BRIP1: variants seen among roughly 807,000 people sequenced by gnomAD.
BRIP1 encodes BRCA1 interacting DNA helicase 1, also known as Fanconi anemia group J protein.
Under a neutral mutation model 119.7 loss-of-function variants are expected in BRIP1, and 88 were observed. The ratio of observed to expected loss-of-function variants is 0.74; its 90% CI spans 0.62 to 0.88. The LOEUF (loss-of-function observed/expected upper bound fraction) is 0.88. Among genes scored for constraint, BRIP1 ranks in the 40% least tolerant of loss-of-function variants. BRIP1 has a pLI of 0.00. For synonymous variants in BRIP1, 443 were observed against 496.5 expected, an observed-to-expected ratio of 0.89 and a Z score of 1.43; for missense variants, 1,259 against 1,455.4, an observed-to-expected ratio of 0.87 and a Z score of 2.20.
At chr17:61,718,011 T>C (rs962083447) in intron 16 of BRIP1, among the ~76,000 whole-genome samples, 1 of 152,236 alleles carries the variant, frequency 6.6e-6, no homozygotes, top group Non-Finnish European at 1.5e-5. Context: ...CTCTTTTCAG[T>C]ATGCTTATGT....
chr17:61,825,842 G>A lies in BRIP1; in HGVS notation c.628-17085C>T, dbSNP rs2078399267. ...GTCATACTGCCCAAAGCAATTTACA[G>A]ATTCAATGCTATTCCTATTAAACTA... is the stretch of plus-strand genomic sequence containing the variant. On this transcript the variant is annotated intron_variant, in intron 6 of 19. Coordinates refer to ENST00000259008, the MANE Select transcript of BRIP1 (RefSeq NM_032043.3). This position sits in a 1 kb window ranked among gnomAD's most constrained non-coding sequence, Gnocchi z 4.1. Among the ~76,000 whole-genome samples the A allele has an allele frequency of 6.6e-6, 1 of 151,978 alleles. No homozygotes were observed. The highest frequency in any genetic ancestry group is 1.9e-4 in the East Asian group (1 of 5,188).
intron 16 of BRIP1, among the ~76,000 whole-genome samples, chr17:61,728,901 A>C (rs564155286): frequency 6.6e-6 from 1 of 152,316 alleles, no homozygotes; most frequent in Admixed American, 6.5e-5. Flanking sequence ...GGCATGGCAC[A>C]CAACTATTGG....
In BRIP1 at chr17:61,842,999, G is replaced by T. The variant is rs1419712415; in HGVS notation, c.627+4102C>A. Among the ~76,000 whole-genome samples, 1 of 152,174 alleles carries T rather than the reference G, an allele frequency of 6.6e-6. No individual in the cohort carries two copies. The highest frequency in any genetic ancestry group is 2.4e-5 in the African/African-American group (1 of 41,448). ...CTGTCAATGGATGAATAAAGAAAATGTGGTGTGTATGTGTATGTCAATGGA... is the reference window on the plus strand; with the variant it reads ...CTGTCAATGGATGAATAAAGAAAATTTGGTGTGTATGTGTATGTCAATGGA... On this transcript the variant is annotated intron_variant, in intron 6 of 19. Transcript: ENST00000259008. The surrounding 1 kb of genome is among the most constrained non-coding windows in gnomAD (Gnocchi z 5.1).
intron 14 of BRIP1, among the ~76,000 whole-genome samples, chr17:61,772,076 T>C (rs1014256932): frequency 1.3e-5 from 2 of 149,714 alleles, no homozygotes; most frequent in African/African-American, 2.5e-5. Flanking sequence ...CCAGCGTTCA[T>C]AGCAGCATTA....
chr17:61,727,197 G>A (rs1319264096), intron 16 of BRIP1, among the ~76,000 whole-genome samples: 19 of 152,058 alleles, frequency 1.2e-4, no homozygotes, highest in Non-Finnish European at 2.9e-5. Flanking sequence ...GTAATATGAC[G>A]CATAATGGCA....
chr17:61,683,381 T>C lies in BRIP1; in HGVS notation c.3665A>G (p.Glu1222Gly), dbSNP rs770175142. The change falls in exon 20 of 20, where the codon GAA becomes GGA. Residue 1222 changes from glutamate to glycine, a missense_variant. By Grantham distance (98) the Glu-to-Gly change is moderately conservative. Coordinates refer to ENST00000259008, the MANE Select transcript of BRIP1 (RefSeq NM_032043.3). This position sits in a 1 kb window ranked among gnomAD's most constrained non-coding sequence, Gnocchi z 4.7. ...NVKTTWINEL[E>G]LGKTHEIEIK... is the part of the protein sequence containing the mutation. ...TTCTATTTCATGAGTTTTTCCCAGTTCCAGTTCATTTATCCAAGTTGTTTT... is the reference window on the plus strand; with the variant it reads ...TTCTATTTCATGAGTTTTTCCCAGTCCCAGTTCATTTATCCAAGTTGTTTT... 1 of 1,613,036 alleles carries C rather than the reference T, an allele frequency of 6.2e-7. No homozygotes were observed. Among genetic ancestry groups the C allele is most frequent in the Admixed American group, 1.7e-5 (1 of 59,976 alleles).
chr17:61,856,940 CTAGA>C lies in BRIP1; in HGVS notation c.379+114_379+117del, dbSNP rs1363445095. ...CTATTTTAAAATCATTCCAGAGAAACTAGATAGAGATATATAATCAGTTATGCTA... is the reference window on the plus strand; with the variant it reads ...CTATTTTAAAATCATTCCAGAGAAACTAGAGATATATAATCAGTTATGCTA... On this transcript the variant is annotated intron_variant, in intron 4 of 19. Transcript: ENST00000259008. This position sits in a 1 kb window ranked among gnomAD's most constrained non-coding sequence, Gnocchi z 5.1. The C allele has an allele frequency of 3.0e-6, 3 of 993,366 alleles. No homozygotes were observed. The highest frequency in any genetic ancestry group is 3.2e-6 in the Non-Finnish European group (2 of 633,742). 61.5% of individuals were successfully genotyped at this position (993,366 alleles called of 1,614,324 possible).
chr17:61,683,582 C>T lies in BRIP1; in HGVS notation c.3464G>A (p.Gly1155Glu), dbSNP rs45603843. ...EKNDLAETDR[G>E]NRLANNSDCI... ...ATCTGAATTGTTAGCCAATCTATTT[C>T]CTCTATCAGTTTCAGCTAGGTCATT... is the stretch of plus-strand genomic sequence containing the variant. The change falls in exon 20 of 20, where the codon GGA (glycine) becomes GAA (glutamate). Residue 1155 changes from glycine (G) to glutamate (E), a missense_variant. By Grantham distance (98) the Gly-to-Glu change is moderately conservative (BLOSUM62 -2). Transcript: ENST00000259008. This position sits in a 1 kb window ranked among gnomAD's most constrained non-coding sequence, Gnocchi z 4.7. The T allele has an allele frequency of 3.4e-5, 55 of 1,612,536 alleles. No homozygotes were observed. Among genetic ancestry groups the T allele is most frequent in the Non-Finnish European group, 4.3e-5 (51 of 1,179,960 alleles).
rs2076950005 is a variant in BRIP1, at chr17:61,738,685, A to T, written c.2379+4328T>A. On this transcript the variant is annotated intron_variant, in intron 16 of 19. Coordinates refer to ENST00000259008, the MANE Select transcript of BRIP1 (RefSeq NM_032043.3). The surrounding 1 kb of genome is among the most constrained non-coding windows in gnomAD (Gnocchi z 4.2). ...TTCAAAATCATAGCTGTTGAGGCAA[A>T]GGTGGAGAAAAGAGAAATGGAATTT... Among the ~76,000 whole-genome samples, 1 of 152,204 alleles carries T rather than the reference A, an allele frequency of 6.6e-6. No homozygotes were observed. Among genetic ancestry groups the T allele is most frequent in the African/African-American group, 2.4e-5 (1 of 41,462 alleles).
At chr17:61,716,848 TTG>T (rs748760361) in intron 16 of BRIP1, among the ~76,000 whole-genome samples, 1 of 152,014 alleles carries the variant, frequency 6.6e-6, no homozygotes, top group African/African-American at 2.4e-5. Context: ...AGCTATGTCT[TTG>T]TGTGTGTGTG....
chr17:61,805,579 G>C lies in BRIP1; in HGVS notation c.918+2888C>G, dbSNP rs1353271540. 6.6e-6 allele frequency among the ~76,000 whole-genome samples: 1 copy of C among 152,110 alleles called. No homozygotes were observed. The highest frequency in any genetic ancestry group is 1.9e-4 in the East Asian group (1 of 5,192). Reference sequence around the variant, plus strand: ...TACTTGTCTGACTGAGAAAACTCCAGGGCCCATTTTTCTCATGTGACTAAG... The same window carrying C: ...TACTTGTCTGACTGAGAAAACTCCACGGCCCATTTTTCTCATGTGACTAAG... On this transcript the variant is annotated intron_variant, in intron 7 of 19. Transcript: ENST00000259008. The surrounding 1 kb of genome is among the most constrained non-coding windows in gnomAD (Gnocchi z 5.6).
rs1379076301 is a variant in BRIP1, at chr17:61,699,887, GT to G, written c.2493-6376del. The stretch of plus-strand genomic sequence containing the variant: ...CAGTAAAATCCCTGGGTGCTAATGA[GT>G]TCCTCTGATTGGAAATATTTGACAC... On this transcript the variant is annotated intron_variant, in intron 17 of 19. Transcript: ENST00000259008. The surrounding 1 kb of genome is among the most constrained non-coding windows in gnomAD (Gnocchi z 4.8). 6.6e-6 allele frequency among the ~76,000 whole-genome samples: 1 copy of G among 152,190 alleles called. No individual in the cohort carries two copies. The highest frequency in any genetic ancestry group is 1.5e-5 in the Non-Finnish European group (1 of 68,022).
chr17:61,859,983 A>G, intron 2 of BRIP1, 76 bp from the exon 3 acceptor site: 1 of 1,020,126 alleles, frequency 9.8e-7, no homozygotes, highest in Non-Finnish European at 1.5e-6. Context: ...AAGTTTAAAT[A>G]GAACAGCAAG....
intron 17 of BRIP1, among the ~76,000 whole-genome samples, chr17:61,711,078 C>T (rs914450722): frequency 1.4e-5 from 2 of 141,514 alleles, no homozygotes; most frequent in African/African-American, 5.1e-5. Flanking sequence ...AACAAACAAA[C>T]AAAAACAAAG....
intron 13 of BRIP1, among the ~76,000 whole-genome samples, chr17:61,779,073 CA>C (rs2077576044): frequency 6.6e-6 from 1 of 152,148 alleles, no homozygotes; most frequent in Non-Finnish European, 1.5e-5. Context: ...TACATTTCCA[CA>C]AAAATTAAAA....
chr17:61,849,379 T>G, intron 4 of BRIP1, 123 bp from the exon 5 acceptor site: 1 of 805,840 alleles, frequency 1.2e-6, no homozygotes, highest in South Asian at 1.7e-5. Flanking sequence ...ATCTAAAACA[T>G]GAAACTTAAA....
rs2078970392 is a variant in BRIP1, at chr17:61,861,412, T to C, written c.93+35A>G. ...ACTTTATGGGTCATAAGTATCTATA[T>C]CTTAATAAAAACTTAACTGCTGAAA... On this transcript the variant is annotated intron_variant, in intron 2 of 19. Coordinates refer to ENST00000259008, the MANE Select transcript of BRIP1 (RefSeq NM_032043.3). This position sits in a 1 kb window ranked among gnomAD's most constrained non-coding sequence, Gnocchi z 4.5. The C allele has an allele frequency of 2.2e-6, 3 of 1,364,364 alleles. No homozygotes were observed. Among genetic ancestry groups the C allele is most frequent in the East Asian group, 4.6e-5 (2 of 43,568 alleles). 84.5% of individuals were successfully genotyped at this position (1,364,364 alleles called of 1,614,324 possible).
At position 61,682,910 on chromosome 17, in the gene BRIP1, G is replaced by C. The variant is rs2061288351; in HGVS notation, c.*386C>G. ...CAACTTAGGGAGGCAGAGAAGGGCA[G>C]ATCACGAGGCCAGGAGTTCGAGACC... On this transcript the variant is annotated 3_prime_UTR_variant, in exon 20 of 20. Coordinates refer to ENST00000259008, the MANE Select transcript of BRIP1 (RefSeq NM_032043.3). The surrounding 1 kb of genome is among the most constrained non-coding windows in gnomAD (Gnocchi z 4.9). The C allele has an allele frequency of 4.4e-6, 1 of 225,872 alleles. No homozygotes were observed. Among genetic ancestry groups the C allele is most frequent in the Non-Finnish European group, 8.8e-6 (1 of 113,260 alleles). 14.0% of individuals were successfully genotyped at this position (225,872 alleles called of 1,614,324 possible). A position where few individuals can be genotyped will look rare whatever the true frequency, so the allele number is the denominator to read the frequency against.
In BRIP1 at chr17:61,804,837, T is replaced by C. The variant is rs144835693; in HGVS notation, c.919-3363A>G. Among the ~76,000 whole-genome samples, 3 of 152,014 alleles carry C rather than the reference T, an allele frequency of 2.0e-5. No homozygotes were observed. The highest frequency in any genetic ancestry group is 6.6e-5 in the Admixed American group (1 of 15,264). Reference sequence around the variant, plus strand: ...TCTTCTTTTAGGTTATCTACTAATGTCCTTTGCCATTGTATTACTGGAAAT... The same window carrying C: ...TCTTCTTTTAGGTTATCTACTAATGCCCTTTGCCATTGTATTACTGGAAAT... On this transcript the variant is annotated intron_variant, in intron 7 of 19. Coordinates refer to ENST00000259008, the MANE Select transcript of BRIP1 (RefSeq NM_032043.3). The surrounding 1 kb of genome is among the most constrained non-coding windows in gnomAD (Gnocchi z 4.5).
Sources: gnomAD v4.1 joint callset for allele counts (sites outside exome capture counted in the v4.1 genomes callset) on GRCh38, gnomAD v4.1.1 for gene constraint, Gnocchi (gnomAD v3.1) non-coding constraint, MANE v1.5 for transcripts, NCBI Gene and HGNC (gene_info 2026-07-23, HGNC 2026-07-21) for gene names.